Variants in PDE8B observed in about 807,000 individuals in gnomAD.
The protein encoded by PDE8B is high affinity cAMP-specific and IBMX-insensitive 3',5'-cyclic phosphodiesterase 8B.
PDE8B carries 26 observed loss-of-function variants against 101.3 expected under a neutral mutation model. That is an observed-to-expected ratio of 0.26 (90% CI 0.19 to 0.36). The LOEUF (loss-of-function observed/expected upper bound fraction) is 0.36, where lower values mean the gene tolerates loss of function less well. Ranked by LOEUF, PDE8B falls within the 10% of genes least tolerant of loss-of-function variation. The pLI, the probability that PDE8B is intolerant of heterozygous loss-of-function variation, is 1.00. For missense variants in PDE8B, 810 were observed against 1,163.1 expected (o/e 0.70, Z 4.42); for synonymous variants, 424 against 429.3 (o/e 0.99, Z 0.15).
At chr5:77,299,167 C>T (rs1317147802) in intron 1 of PDE8B, among the ~76,000 whole-genome samples, 1 of 152,112 alleles carries the variant, frequency 6.6e-6, no homozygotes, top group East Asian at 1.9e-4. Flanking sequence ...AAACAGGATT[C>T]CAGGAGAGTG....
intron 7 of PDE8B, among the ~76,000 whole-genome samples, chr5:77,345,911 AC>A (rs1440580996): frequency 6.6e-6 from 1 of 152,054 alleles, no homozygotes; most frequent in African/African-American, 2.4e-5. Flanking sequence ...ACACATACAC[AC>A]CTTGTTCTCA....
chr5:77,278,165 C>A (rs963670119), intron 1 of PDE8B, among the ~76,000 whole-genome samples: 1 of 152,160 alleles, frequency 6.6e-6, no homozygotes, highest in African/African-American at 2.4e-5. Context: ...TTCAAGTTTA[C>A]CTCCACCTCT....
intron 1 of PDE8B, among the ~76,000 whole-genome samples, chr5:77,218,228 C>T (rs541750230): frequency 6.6e-6 from 1 of 152,212 alleles, no homozygotes; most frequent in South Asian, 2.1e-4. Context: ...ACAAGGTAAA[C>T]AGGATAGCTA....
At chr5:77,116,072 T>C in the PDE8B span, among the ~76,000 whole-genome samples, 2 of 151,910 alleles carry the variant, frequency 1.3e-5, no homozygotes, top group African/African-American at 2.4e-5. Context: ...GAAAAAGAGA[T>C]ACAGCAATGA....
At chr5:77,221,218 T>C (rs1751032659) in intron 1 of PDE8B, among the ~76,000 whole-genome samples, 1 of 152,246 alleles carries the variant, frequency 6.6e-6, no homozygotes, top group Admixed American at 6.5e-5. Flanking sequence ...ACTCCACTCA[T>C]TGCAGTAGGT....
chr5:77,365,052 C>T (rs575887216), intron 10 of PDE8B, among the ~76,000 whole-genome samples: 9 of 152,158 alleles, frequency 5.9e-5, no homozygotes, highest in South Asian at 4.1e-4. Flanking sequence ...GCGGAAATCC[C>T]TACAGGAGGA....
At chr5:77,135,256 C>T in the PDE8B span, among the ~76,000 whole-genome samples, 1 of 152,178 alleles carries the variant, frequency 6.6e-6, no homozygotes, top group Admixed American at 6.5e-5. Context: ...GCATTATATT[C>T]TTCTGCTCTG....
At chr5:77,408,764 G>A (rs1456952727) in intron 13 of PDE8B, 129 bp from the exon 14 acceptor site, 17 of 783,974 alleles carry the variant, frequency 2.2e-5, no homozygotes, top group South Asian at 8.5e-5. Flanking sequence ...GGGCGGTGCC[G>A]TGAAAGCACT....
chr5:77,170,849 G>A, the PDE8B span, among the ~76,000 whole-genome samples: 1 of 152,056 alleles, frequency 6.6e-6, no homozygotes, highest in Non-Finnish European at 1.5e-5. Context: ...AAATAACTTT[G>A]GTTGCTAATT....
At chr5:77,233,238 C>T (rs1753940891) in intron 1 of PDE8B, among the ~76,000 whole-genome samples, 1 of 152,084 alleles carries the variant, frequency 6.6e-6, no homozygotes, top group African/African-American at 2.4e-5. Flanking sequence ...CTGCTCTCTC[C>T]ACCTAAGAGA....
the PDE8B span, among the ~76,000 whole-genome samples, chr5:77,195,945 T>A: frequency 6.6e-6 from 1 of 152,160 alleles, no homozygotes; most frequent in East Asian, 1.9e-4. Context: ...ACCCACAAAG[T>A]TGAAACCCGT....
At chr5:77,356,363 A>G (rs1345217346) in intron 10 of PDE8B, among the ~76,000 whole-genome samples, 2 of 152,134 alleles carry the variant, frequency 1.3e-5, no homozygotes, top group Non-Finnish European at 2.9e-5. Flanking sequence ...ATGGTCCAAG[A>G]GTCATATTGC....
At chr5:77,198,728 G>A in the PDE8B span, among the ~76,000 whole-genome samples, 1 of 152,016 alleles carries the variant, frequency 6.6e-6, no homozygotes, top group South Asian at 2.1e-4. Context: ...GGGTAAATTT[G>A]GTCCCTGATT....
chr5:77,113,493 C>T, the PDE8B span: 17 of 152,218 alleles, frequency 1.1e-4, no homozygotes, highest in African/African-American at 4.1e-4. Flanking sequence ...CCCTTCCTTA[C>T]ACTGTATACA....
chr5:77,296,075 C>G (rs1205725074), intron 1 of PDE8B, among the ~76,000 whole-genome samples: 1 of 152,194 alleles, frequency 6.6e-6, no homozygotes, highest in African/African-American at 2.4e-5. Context: ...GTGACTACTC[C>G]TAACCAATTG....
Position 77,260,175 on chromosome 5 carries a change from A to G in PDE8B, c.339+48911A>G, listed in dbSNP as rs1303811466. ...TCCATCACAAAAAAAAAAAAAAAAG[A>G]AAAAAAAGAAAAAAAAAAGAAAGAA... On this transcript the variant is annotated intron_variant, in intron 1 of 21. Coordinates refer to ENST00000264917, the MANE Select transcript of PDE8B (RefSeq NM_003719.5). Among the ~76,000 whole-genome samples, 20 of 146,800 alleles carry G rather than the reference A, an allele frequency of 1.4e-4. No homozygotes were observed. In the East Asian group the frequency reaches 3.8e-3, roughly 28 times the overall value.
the PDE8B span, among the ~76,000 whole-genome samples, chr5:77,107,541 A>G: frequency 6.6e-6 from 1 of 152,158 alleles, no homozygotes; most frequent in Non-Finnish European, 1.5e-5. Context: ...TGCAATGGTT[A>G]GAACTTCTAG....
intron 1 of PDE8B, among the ~76,000 whole-genome samples, chr5:77,241,864 G>C (rs1319781413): frequency 6.6e-6 from 1 of 152,228 alleles, no homozygotes; most frequent in Non-Finnish European, 1.5e-5. Context: ...AACAGCTGCT[G>C]TAGCTGCTAT....
At chr5:77,324,419 G>A (rs1174401364) in intron 2 of PDE8B, among the ~76,000 whole-genome samples, 1 of 152,176 alleles carries the variant, frequency 6.6e-6, no homozygotes, top group African/African-American at 2.4e-5. Flanking sequence ...CTCCAGTGAG[G>A]GAGATGGACC....
Sources: gnomAD v4.1 joint callset for allele counts (sites outside exome capture counted in the v4.1 genomes callset) on GRCh38, gnomAD v4.1.1 for gene constraint, MANE v1.5 for transcripts, NCBI Gene and HGNC (gene_info 2026-07-23, HGNC 2026-07-21) for gene names.